Variants in CCDC91 observed in about 807,000 individuals in gnomAD.
The protein encoded by CCDC91 is coiled-coil domain-containing protein 91.
CCDC91 carries 48 observed loss-of-function variants against 63.2 expected under a neutral mutation model. The observed-to-expected ratio is 0.76, with a 90% confidence interval of 0.60 to 0.97. The LOEUF (loss-of-function observed/expected upper bound fraction) is 0.97, where lower values mean the gene tolerates loss of function less well. Among genes scored for constraint, CCDC91 ranks in the 50% least tolerant of loss-of-function variants. CCDC91 has a pLI of 0.00. For missense variants in CCDC91, 500 were observed against 494.6 expected (o/e 1.01, Z -0.10); for synonymous variants, 167 against 165.8 (o/e 1.01, Z -0.06).
chr12:28,274,841 C>T (rs1033391307), intron 3 of CCDC91, among the ~76,000 whole-genome samples: 1 of 152,068 alleles, frequency 6.6e-6, no homozygotes, highest in Non-Finnish European at 1.5e-5. Flanking sequence ...ATTTCCTTCT[C>T]CTGCCTGATT....
chr12:28,460,501 G>A (rs10843178), intron 11 of CCDC91, among the ~76,000 whole-genome samples: 2 of 151,948 alleles, frequency 1.3e-5, no homozygotes, highest in African/African-American at 2.4e-5. Flanking sequence ...ACTTTCAGAT[G>A]TCTAAATGGG....
At chr12:28,510,488 C>T (rs1275903552) in intron 12 of CCDC91, among the ~76,000 whole-genome samples, 1 of 151,896 alleles carries the variant, frequency 6.6e-6, no homozygotes, top group Non-Finnish European at 1.5e-5. Context: ...CAGTGTCAGA[C>T]AGGAGTTCCT....
At chr12:28,545,520 A>G (rs1942928210) in intron 12 of CCDC91, among the ~76,000 whole-genome samples, 1 of 152,078 alleles carries the variant, frequency 6.6e-6, no homozygotes, top group African/African-American at 2.4e-5. Context: ...TGATGGCCCA[A>G]TCTCTGTTTT....
chr12:28,350,775 G>C (rs1565839719), intron 6 of CCDC91, among the ~76,000 whole-genome samples: 2 of 152,060 alleles, frequency 1.3e-5, no homozygotes, highest in Non-Finnish European at 2.9e-5. Flanking sequence ...CTGGCTTCTG[G>C]CAGTATGACT....
At chr12:28,257,158 G>C (rs1946510252) in intron 1 of CCDC91, 44 bp from the exon 2 acceptor site, 1 of 1,135,172 alleles carries the variant, frequency 8.8e-7, no homozygotes, top group Admixed American at 1.8e-5. Context: ...TGACATAAAT[G>C]ACTGTGTGTG....
At chr12:28,456,129 GA>G (rs1397178507) in intron 11 of CCDC91, among the ~76,000 whole-genome samples, 8 of 152,086 alleles carry the variant, frequency 5.3e-5, no homozygotes, top group African/African-American at 1.9e-4. Flanking sequence ...AAAACTTTAA[GA>G]AGGTGTTATT....
At chr12:28,224,814 A>G (rs1381634637) in intron 1 of CCDC91, among the ~76,000 whole-genome samples, 1 of 152,216 alleles carries the variant, frequency 6.6e-6, no homozygotes, top group Admixed American at 6.5e-5. Context: ...TCAACAGCCC[A>G]TAGTCTTGGA....
chr12:28,357,310 G>A (rs1943588797), intron 6 of CCDC91, among the ~76,000 whole-genome samples: 1 of 152,136 alleles, frequency 6.6e-6, no homozygotes, highest in Non-Finnish European at 1.5e-5. Flanking sequence ...TTTTAGCTAA[G>A]AAGCAGTTGG....
intron 11 of CCDC91, among the ~76,000 whole-genome samples, chr12:28,453,755 G>C (rs1949929150): frequency 6.6e-6 from 1 of 151,946 alleles, no homozygotes; most frequent in Non-Finnish European, 1.5e-5. Context: ...TGTCACTTCA[G>C]TTGGTTGGAA....
At chr12:28,471,179 G>A (rs1176566320) in intron 11 of CCDC91, among the ~76,000 whole-genome samples, 3 of 152,156 alleles carry the variant, frequency 2.0e-5, no homozygotes, top group Non-Finnish European at 4.4e-5. Context: ...TTGAGGAACA[G>A]AGCCAAGATA....
At chr12:28,518,031 A>G (rs1374505281) in intron 12 of CCDC91, among the ~76,000 whole-genome samples, 9 of 151,936 alleles carry the variant, frequency 5.9e-5, no homozygotes, top group Non-Finnish European at 1.3e-4. Context: ...TTATCTACTC[A>G]TTGATTGATG....
At chr12:28,305,845 TA>T in intron 4 of CCDC91, 39 bp downstream of exon 4, 2 of 1,508,516 alleles carry the variant, frequency 1.3e-6, no homozygotes, top group Non-Finnish European at 1.8e-6. Flanking sequence ...TTTGCATATT[TA>T]AAAAATTGCC....
intron 3 of CCDC91, among the ~76,000 whole-genome samples, chr12:28,288,949 G>A (rs1321850372): frequency 1.3e-5 from 2 of 152,124 alleles, no homozygotes; most frequent in African/African-American, 4.8e-5. Context: ...ATTTCTTCTA[G>A]ATTTTCTAGT....
intron 1 of CCDC91, among the ~76,000 whole-genome samples, chr12:28,228,317 T>C (rs1202323370): frequency 6.6e-6 from 1 of 152,116 alleles, no homozygotes; most frequent in Non-Finnish European, 1.5e-5. Context: ...AAGAGTAAAT[T>C]ACTATCTTTC....
At position 28,325,390 on chromosome 12, in the gene CCDC91, G is replaced by C. The variant is rs527578855; in HGVS notation, c.576+17641G>C. On this transcript the variant is annotated intron_variant, in intron 6 of 12. Coordinates refer to ENST00000536442, the MANE Select transcript of CCDC91 (RefSeq NM_018318.5). ...TTAAAAGATGCCTTCTATGTTCCAAGTTCTATTTTGGGTGATTGTGATACA... is the reference window on the plus strand; with the variant it reads ...TTAAAAGATGCCTTCTATGTTCCAACTTCTATTTTGGGTGATTGTGATACA... Among the ~76,000 whole-genome samples the C allele has an allele frequency of 1.0e-3, 156 of 152,026 alleles. 1 individual carries two copies. Among genetic ancestry groups the C allele is most frequent in the African/African-American group, 3.4e-3 (141 of 41,506 alleles).
rs141822526 is a variant in CCDC91, at chr12:28,276,022, A to G, written c.109+16580A>G. ...AAACCCACAGCCAATATCATACTGA[A>G]TGGACAAAAACTGGAAGCATTCCCT... On this transcript the variant is annotated intron_variant, in intron 3 of 12. Transcript: ENST00000536442. 2.4e-3 allele frequency among the ~76,000 whole-genome samples: 358 copies of G among 152,238 alleles called. 2 individuals are homozygous for G. The highest frequency in any genetic ancestry group is 8.2e-3 in the African/African-American group (339 of 41,562).
At chr12:28,312,675 T>C (rs1190835483) in intron 6 of CCDC91, among the ~76,000 whole-genome samples, 3 of 152,106 alleles carry the variant, frequency 2.0e-5, no homozygotes, top group Non-Finnish European at 2.9e-5. Context: ...TCAAATCTTA[T>C]CTTGAATTGT....
At chr12:28,325,003 G>A (rs1327712154) in intron 6 of CCDC91, among the ~76,000 whole-genome samples, 2 of 151,908 alleles carry the variant, frequency 1.3e-5, no homozygotes, top group Non-Finnish European at 2.9e-5. Context: ...AAGCTCTCAA[G>A]CAGAGGCAGA....
intron 6 of CCDC91, among the ~76,000 whole-genome samples, chr12:28,350,130 G>A (rs193001939): frequency 1.3e-5 from 2 of 151,990 alleles, no homozygotes; most frequent in Admixed American, 6.5e-5. Context: ...TTGACTCTTT[G>A]CCTTTATACC....
Sources: gnomAD v4.1 joint callset for allele counts (sites outside exome capture counted in the v4.1 genomes callset) on GRCh38, gnomAD v4.1.1 for gene constraint, MANE v1.5 for transcripts, NCBI Gene and HGNC (gene_info 2026-07-23, HGNC 2026-07-21) for gene names.